The following PLEKHA6 variants were observed in gnomAD, a reference collection of about 807,000 sequenced individuals.
The protein encoded by PLEKHA6 is pleckstrin homology domain-containing family A member 6.
PLEKHA6 carries 60 observed loss-of-function variants against 116.7 expected under a neutral mutation model. The ratio of observed to expected loss-of-function variants is 0.51; its 90% CI spans 0.42 to 0.64. The LOEUF (loss-of-function observed/expected upper bound fraction) is 0.64, where lower values mean the gene tolerates loss of function less well. Ranked by LOEUF, PLEKHA6 falls within the 30% of genes least tolerant of loss-of-function variation. The probability of loss-of-function intolerance (pLI) is 0.00; values close to 1 mark genes in which losing one functional copy is unlikely to be tolerated. For missense variants in PLEKHA6, 1,338 were observed against 1,422.7 expected (o/e 0.94, Z 0.96); for synonymous variants, 489 against 556.1 (o/e 0.88, Z 1.70).
At chr1:204,348,892 G>T (rs1490328609) in intron 1 of PLEKHA6, among the ~76,000 whole-genome samples, 1 of 152,188 alleles carries the variant, frequency 6.6e-6, no homozygotes, top group Non-Finnish European at 1.5e-5. Flanking sequence ...GAAGCCTGAG[G>T]CCTCTAGGCA....
intron 1 of PLEKHA6, among the ~76,000 whole-genome samples, chr1:204,302,968 C>G (rs141085824): frequency 6.6e-6 from 1 of 152,206 alleles, no homozygotes; most frequent in Non-Finnish European, 1.5e-5. Context: ...AGATGAAGCA[C>G]GGAGGGGTCT....
rs1662797208 is a variant in PLEKHA6 at position 204,241,438 on chromosome 1, C to T, written c.2346G>A (p.Glu782=). ...PPRTKSPTDD[E]VTPSAVVRRN... Reference sequence around the variant, plus strand: ...TTCTTACCACTGCTGATGGGGTCACCTCATCATCAGTGGGCGATTTTGTCC... The same window carrying T: ...TTCTTACCACTGCTGATGGGGTCACTTCATCATCAGTGGGCGATTTTGTCC... Residue 782 remains glutamate, a synonymous_variant, in exon 17 of 23, where the codon GAG becomes GAA. Coordinates refer to ENST00000272203, the MANE Select transcript of PLEKHA6 (RefSeq NM_014935.5). 2 of 1,610,538 alleles carry T rather than the reference C, an allele frequency of 1.2e-6. No individual in the cohort carries two copies. The highest frequency in any genetic ancestry group is 2.2e-5 in the South Asian group (2 of 90,366).
chr1:204,323,246 T>C (rs943106857), intron 1 of PLEKHA6, among the ~76,000 whole-genome samples: 20 of 152,232 alleles, frequency 1.3e-4, no homozygotes, highest in African/African-American at 4.6e-4. Flanking sequence ...GATGGGGCAC[T>C]CTCCCAAGGA....
At chr1:204,334,500 G>A (rs1018743585) in intron 1 of PLEKHA6, among the ~76,000 whole-genome samples, 1 of 152,130 alleles carries the variant, frequency 6.6e-6, no homozygotes, top group Non-Finnish European at 1.5e-5. Context: ...GGTAAAATGC[G>A]ATGGTTTGAT....
intron 17 of PLEKHA6, 136 bp downstream of exon 17, chr1:204,241,239 C>A: frequency 1.6e-6 from 1 of 617,598 alleles, no homozygotes; most frequent in Non-Finnish European, 2.9e-6. Flanking sequence ...GGGGCTCTTG[C>A]CCCTCCTCTC....
chr1:204,317,187 T>C, intron 1 of PLEKHA6: 2 of 916,544 alleles, frequency 2.2e-6, no homozygotes, highest in Non-Finnish European at 2.6e-6. Context: ...AACCAAAGAG[T>C]TAAGCATAGG....
intron 1 of PLEKHA6, among the ~76,000 whole-genome samples, chr1:204,297,382 C>T (rs1670384656): frequency 6.6e-6 from 1 of 152,188 alleles, no homozygotes; most frequent in Non-Finnish European, 1.5e-5. Flanking sequence ...TGGGCCTTAG[C>T]ACATGGCTAC....
rs1668122761 is a variant in PLEKHA6 at position 204,277,355 on chromosome 1, C to T, written c.-94-2546G>A. 1.3e-5 allele frequency among the ~76,000 whole-genome samples: 2 copies of T among 152,182 alleles called. No homozygotes were observed. The highest frequency in any genetic ancestry group is 2.9e-5 in the Non-Finnish European group (2 of 68,028). ...AGGGGATGATATCCTCCCCATTCAG[C>T]ACCCCAAGGAGAAAATGCTGAAATG... On this transcript the variant is annotated intron_variant, in intron 1 of 22. Coordinates refer to ENST00000272203, the MANE Select transcript of PLEKHA6 (RefSeq NM_014935.5). This position sits in a 1 kb window ranked among gnomAD's most constrained non-coding sequence, Gnocchi z 4.1.
Position 204,267,552 on chromosome 1 carries a change from G to A in PLEKHA6, c.208-5C>T, listed in dbSNP as rs755745834. The A allele has an allele frequency of 1.4e-5, 22 of 1,613,682 alleles. No individual in the cohort carries two copies. The highest frequency in any genetic ancestry group is 3.3e-5 in the Admixed American group (2 of 60,000). On this transcript the variant is annotated splice_region_variant and splice_polypyrimidine_tract_variant and intron_variant, in intron 4 of 22. Transcript: ENST00000272203. ...CTGCTTAACCCCGGAGCTGGCCTGC[G>A]GGACATGGGAGAGGCAGATGTGAGG...
Position 204,358,035 on chromosome 1 carries a change from G to A in PLEKHA6, c.-95+1659C>T, listed in dbSNP as rs1673462814. Among the ~76,000 whole-genome samples, 4 of 152,194 alleles carry A rather than the reference G, an allele frequency of 2.6e-5. 1 individual carries two copies. The South Asian group carries it at 8.3e-4, about 32-fold the overall frequency. On this transcript the variant is annotated intron_variant, in intron 1 of 22. Transcript: ENST00000272203. ...TGCACCATCACCTTCCTAGGAAGGA[G>A]GAAAAGAAGCCTAGCCCAGCAAAAA...
intron 8 of PLEKHA6, among the ~76,000 whole-genome samples, chr1:204,258,316 T>C (rs1164996930): frequency 6.6e-6 from 1 of 152,184 alleles, no homozygotes; most frequent in East Asian, 1.9e-4. Flanking sequence ...CAGCCTGGAA[T>C]ACAGTGGGGC....
intron 1 of PLEKHA6, among the ~76,000 whole-genome samples, chr1:204,318,148 A>G (rs939829749): frequency 1.3e-5 from 2 of 152,198 alleles, no homozygotes; most frequent in Non-Finnish European, 2.9e-5. Context: ...TCCAAAGACA[A>G]TCTGTTCTTG....
At chr1:204,312,365 C>T (rs1389498234) in intron 1 of PLEKHA6, among the ~76,000 whole-genome samples, 2 of 152,226 alleles carry the variant, frequency 1.3e-5, no homozygotes, top group Non-Finnish European at 2.9e-5. Flanking sequence ...TTCAGGCCTT[C>T]CTGGGATGGA....
chr1:204,230,454 T>C lies in PLEKHA6; in HGVS notation c.2542A>G (p.Ser848Gly). The C allele has an allele frequency of 6.3e-7, 1 of 1,583,618 alleles. No individual in the cohort carries two copies. The highest frequency in any genetic ancestry group is 8.6e-7 in the Non-Finnish European group (1 of 1,164,976). ...CGGGGACTGGGGTCGGGGGCCGGGC[T>C]GGCCGGGAGCTGCAGGCTCCTCCGC... ...EKRRSLQLPASPAPDPSPRPA... is the reference protein window; with the variant it reads ...EKRRSLQLPAGPAPDPSPRPA... Residue 848 changes from serine to glycine, a missense_variant, in exon 18 of 23, where the codon AGC becomes GGC. Physicochemically the swap from Ser to Gly is moderately conservative, Grantham distance 56. Transcript: ENST00000272203.
Position 204,248,836 on chromosome 1 carries a change from C to G in PLEKHA6, c.1809G>C (p.Leu603=). The change falls in exon 12 of 23, where the codon CTG becomes CTC. Residue 603 remains leucine, a synonymous_variant. Transcript: ENST00000272203. Reference sequence around the variant, plus strand: ...CCTGGGTTACCGTGGTCGCCTGAGACAGCTCCACGCGGATGTTGATGAGCT... The same window carrying G: ...CCTGGGTTACCGTGGTCGCCTGAGAGAGCTCCACGCGGATGTTGATGAGCT... ...QNQLINIRVE[L]SQATTALTNS... The G allele has an allele frequency of 3.1e-6, 5 of 1,613,926 alleles. No individual in the cohort carries two copies. The highest frequency in any genetic ancestry group is 4.2e-6 in the Non-Finnish European group (5 of 1,180,006).
In PLEKHA6 at chr1:204,277,602, A is replaced by G. The variant is rs1668154690; in HGVS notation, c.-94-2793T>C. The G allele has an allele frequency of 6.6e-6, 1 of 152,182 alleles. No individual in the cohort carries two copies. The highest frequency in any genetic ancestry group is 6.5e-5 in the Admixed American group (1 of 15,282). The allele number at this position is 152,182 out of a possible 1,614,324, so 9.4% of individuals were successfully genotyped here. A position where few individuals can be genotyped will look rare whatever the true frequency, so the allele number is the denominator to read the frequency against. On this transcript the variant is annotated intron_variant, in intron 1 of 22. Transcript: ENST00000272203. The surrounding 1 kb of genome is among the most constrained non-coding windows in gnomAD (Gnocchi z 4.1). ...TGAGCTGAAAATCAACTTGCTTCTC[A>G]GAGATCCTTCAGATCCTGTGGGCAT...
chr1:204,332,755 T>C (rs1672502783), intron 1 of PLEKHA6, among the ~76,000 whole-genome samples: 2 of 152,106 alleles, frequency 1.3e-5, no homozygotes, highest in African/African-American at 2.4e-5. Context: ...TCAAGACTAA[T>C]CCCGGCAGCA....
intron 1 of PLEKHA6, chr1:204,278,090 T>C (rs1668206620): frequency 6.6e-6 from 1 of 152,236 alleles, no homozygotes; most frequent in Non-Finnish European, 1.5e-5. Flanking sequence ...TTTGTATCGA[T>C]GTTAATTCCC....
chr1:204,323,792 C>T (rs1226071664), intron 1 of PLEKHA6, among the ~76,000 whole-genome samples: 2 of 152,180 alleles, frequency 1.3e-5, no homozygotes, highest in African/African-American at 4.8e-5. Context: ...CTAAATGCAA[C>T]TCATTTGATC....
Sources: gnomAD v4.1 joint callset for allele counts (sites outside exome capture counted in the v4.1 genomes callset) on GRCh38, gnomAD v4.1.1 for gene constraint, Gnocchi (gnomAD v3.1) non-coding constraint, MANE v1.5 for transcripts, NCBI Gene and HGNC (gene_info 2026-07-23, HGNC 2026-07-21) for gene names.